The following PREX1 variants were observed in gnomAD, a reference collection of about 807,000 sequenced individuals.
PREX1 encodes phosphatidylinositol-3,4,5-trisphosphate dependent Rac exchange factor 1.
In PREX1, 41 loss-of-function variants were observed where a neutral mutation model predicts 198.3. The observed-to-expected ratio is 0.21, with a 90% CI of 0.16 to 0.27. The LOEUF (loss-of-function observed/expected upper bound fraction) is 0.27, where lower values mean the gene tolerates loss of function less well. Among genes scored for constraint, PREX1 ranks in the 10% least tolerant of loss-of-function variants. The pLI, the probability that PREX1 is intolerant of heterozygous loss-of-function variation, is 1.00. For missense variants in PREX1, 1,620 were observed against 2,200.7 expected, an observed-to-expected ratio of 0.74 and a Z score of 5.28; for synonymous variants, 843 against 887.2, an observed-to-expected ratio of 0.95 and a Z score of 0.89.
At position 48,703,166 on chromosome 20, in the gene PREX1, C is replaced by T. The variant is rs1167887440; in HGVS notation, c.784-2280G>A. Among the ~76,000 whole-genome samples, 4 of 152,234 alleles carry T rather than the reference C, an allele frequency of 2.6e-5. No individual in the cohort carries two copies. The East Asian group carries it at 5.8e-4, about 22-fold the overall frequency. On this transcript the variant is annotated intron_variant, in intron 6 of 39. Coordinates refer to ENST00000371941, the MANE Select transcript of PREX1 (RefSeq NM_020820.4). ...CTGTCTGCTAACGGCCTACAAGGGG[C>T]TCTCTCGCTGCTGTTAGGGCTGGTC...
intron 7 of PREX1, among the ~76,000 whole-genome samples, chr20:48,697,508 G>A (rs1385791051): frequency 6.6e-6 from 1 of 151,860 alleles, no homozygotes; most frequent in Admixed American, 6.6e-5. Context: ...AGCCTCCCGA[G>A]TAGCTGGGAT....
intron 2 of PREX1, among the ~76,000 whole-genome samples, chr20:48,746,249 C>T (rs1050691596): frequency 6.6e-6 from 1 of 152,176 alleles, no homozygotes; most frequent in Non-Finnish European, 1.5e-5. Flanking sequence ...TTTCGAACTC[C>T]TGAGCTCAGG....
chr20:48,642,294 C>G (rs751761362), intron 28 of PREX1, 36 bp from the exon 29 acceptor site: 3 of 1,609,528 alleles, frequency 1.9e-6, no homozygotes, highest in Non-Finnish European at 2.6e-6. Context: ...GTTTGGGCCC[C>G]GTGGCCCTAC....
At chr20:48,767,375 T>C (rs905045221) in intron 1 of PREX1, among the ~76,000 whole-genome samples, 3 of 152,038 alleles carry the variant, frequency 2.0e-5, no homozygotes, top group Non-Finnish European at 2.9e-5. Context: ...CAGAGAAGCA[T>C]GAAGAAGCCC....
At chr20:48,853,830 A>T in the PREX1 span, among the ~76,000 whole-genome samples, 3 of 152,154 alleles carry the variant, frequency 2.0e-5, no homozygotes, top group Admixed American at 2.0e-4. Flanking sequence ...CTCGATGGGG[A>T]TGATCAAAAT....
chr20:48,703,912 G>C (rs942681187), intron 6 of PREX1, among the ~76,000 whole-genome samples: 1 of 152,206 alleles, frequency 6.6e-6, no homozygotes, highest in Non-Finnish European at 1.5e-5. Flanking sequence ...GCTAGGGGTT[G>C]GATGCACAGG....
rs147691671 is a variant in PREX1, at chr20:48,640,197, G to A, written c.3776-303C>T. Among the ~76,000 whole-genome samples, 405 of 152,240 alleles carry A rather than the reference G, an allele frequency of 2.7e-3. 3 individuals carry two copies. The highest frequency in any genetic ancestry group is 0.017 in the Middle Eastern group (5 of 294). ...ACAAATCAATCACGGCTTTCCTTTC[G>A]TCTAAGCCTGGATGTTGTAGCCACA... On this transcript the variant is annotated intron_variant, in intron 29 of 39. Coordinates refer to ENST00000371941, the MANE Select transcript of PREX1 (RefSeq NM_020820.4).
rs111474939 is a variant in PREX1 at position 48,764,312 on chromosome 20, T to C, written c.220-16432A>G. Among the ~76,000 whole-genome samples, 521 of 152,322 alleles carry C rather than the reference T, an allele frequency of 3.4e-3. 4 individuals carry two copies. The highest frequency in any genetic ancestry group is 0.011 in the African/African-American group (462 of 41,552). On this transcript the variant is annotated intron_variant, in intron 1 of 39. Coordinates refer to ENST00000371941, the MANE Select transcript of PREX1 (RefSeq NM_020820.4). ...AGGCCCCAACAGCCCTTGACCATTG[T>C]GGTGGGCTGAACAATAATCCCTCAA...
chr20:48,660,302 A>G (rs1456921043), intron 15 of PREX1, among the ~76,000 whole-genome samples: 1 of 152,250 alleles, frequency 6.6e-6, no homozygotes, highest in African/African-American at 2.4e-5. Flanking sequence ...AAAAGACATT[A>G]ATATTTTACA....
intron 19 of PREX1, 75 bp downstream of exon 19, chr20:48,655,215 G>T: frequency 1.5e-6 from 2 of 1,350,584 alleles, no homozygotes; most frequent in Non-Finnish European, 2.0e-6. Context: ...AGTTCAGAAG[G>T]CTCTGAACTC....
rs774847794 is a variant in PREX1, at chr20:48,679,647, C to T, written c.1539+4G>A. The T allele has an allele frequency of 3.7e-6, 6 of 1,603,070 alleles. No homozygotes were observed. In the African/African-American group the frequency reaches 8.0e-5, roughly 21 times the overall value. On this transcript the variant is annotated splice_donor_region_variant and intron_variant, in intron 12 of 39. Coordinates refer to ENST00000371941, the MANE Select transcript of PREX1 (RefSeq NM_020820.4). Reference sequence around the variant, plus strand: ...TCAGAGTCACAGGGGCGGAGGGCCCCTACCTTGGACATGATGTCCTCCAGC... The same window carrying T: ...TCAGAGTCACAGGGGCGGAGGGCCCTTACCTTGGACATGATGTCCTCCAGC...
chr20:48,744,198 T>C (rs2090097152), intron 3 of PREX1, among the ~76,000 whole-genome samples: 1 of 152,162 alleles, frequency 6.6e-6, no homozygotes, highest in Non-Finnish European at 1.5e-5. Context: ...ACTCTAGAGC[T>C]AGGACAACCA....
chr20:48,708,838 T>C (rs1170770733), intron 5 of PREX1, among the ~76,000 whole-genome samples: 1 of 152,096 alleles, frequency 6.6e-6, no homozygotes, highest in East Asian at 1.9e-4. Flanking sequence ...AGGCAGTGTG[T>C]CTGGGGTGGA....
chr20:48,738,021 T>C (rs1050507355), intron 3 of PREX1, among the ~76,000 whole-genome samples: 6 of 152,210 alleles, frequency 3.9e-5, no homozygotes, highest in African/African-American at 9.7e-5. Context: ...TTTTGATACA[T>C]GCACACTCTT....
upstream of PREX1, among the ~76,000 whole-genome samples, chr20:48,831,366 G>A (rs1452076018): frequency 6.6e-6 from 1 of 152,178 alleles, no homozygotes; most frequent in African/African-American, 2.4e-5. Context: ...AGACAACTTG[G>A]AGATCTGTTG....
intron 3 of PREX1, among the ~76,000 whole-genome samples, chr20:48,736,718 G>A (rs2122734462): frequency 6.6e-6 from 1 of 152,314 alleles, no homozygotes; most frequent in Non-Finnish European, 1.5e-5. Flanking sequence ...GGTGATGCAG[G>A]CTGCAGGGAA....
At chr20:48,674,121 C>T (rs1465268504) in intron 14 of PREX1, among the ~76,000 whole-genome samples, 1 of 152,158 alleles carries the variant, frequency 6.6e-6, no homozygotes, top group African/African-American at 2.4e-5. Flanking sequence ...GCAGCTCTGC[C>T]CTTCACAGAC....
chr20:48,648,111 T>C (rs1157747091), intron 25 of PREX1, among the ~76,000 whole-genome samples: 1 of 152,150 alleles, frequency 6.6e-6, no homozygotes, highest in East Asian at 1.9e-4. Context: ...TTCACTACGT[T>C]GCCCAGGCTG....
chr20:48,711,236 GCT>G (rs1176009214), intron 5 of PREX1, among the ~76,000 whole-genome samples: 11 of 152,124 alleles, frequency 7.2e-5, no homozygotes, highest in Admixed American at 7.2e-4. Flanking sequence ...CCCATGTTGG[GCT>G]CTCTGTTGTA....
Sources: allele counts gnomAD v4.1 joint callset (sites outside exome capture counted in the v4.1 genomes callset), GRCh38; gene constraint gnomAD v4.1.1; transcripts MANE v1.5; gene names NCBI Gene and HGNC (gene_info 2026-07-23, HGNC 2026-07-21).